Variants in SHC3 observed in about 807,000 individuals in gnomAD.
SHC3 encodes SHC adaptor protein 3.
SHC3 carries 15 observed loss-of-function variants against 60.4 expected under a neutral mutation model. The observed-to-expected ratio is 0.25, with a 90% CI of 0.17 to 0.38. The LOEUF (loss-of-function observed/expected upper bound fraction) is 0.38. Among genes scored for constraint, SHC3 ranks in the 10% least tolerant of loss-of-function variants. The pLI, the probability that SHC3 is intolerant of heterozygous loss-of-function variation, is 1.00. For missense variants in SHC3, 677 were observed against 786.1 expected, an observed-to-expected ratio of 0.86 and a Z score of 1.66; for synonymous variants, 294 against 325.9, an observed-to-expected ratio of 0.90 and a Z score of 1.05.
intron 1 of SHC3, among the ~76,000 whole-genome samples, chr9:89,173,701 A>T (rs946772313): frequency 6.6e-6 from 1 of 151,650 alleles, no homozygotes. Flanking sequence ...CATGGTGTGT[A>T]TGTGCATATG....
At chr9:89,166,530 G>C (rs1188343898) in intron 1 of SHC3, among the ~76,000 whole-genome samples, 1 of 152,218 alleles carries the variant, frequency 6.6e-6, no homozygotes, top group Non-Finnish European at 1.5e-5. Context: ...GAGACTGGGA[G>C]TCCTCCAGGG....
intron 11 of SHC3, among the ~76,000 whole-genome samples, chr9:89,020,178 G>A (rs1412153423): frequency 6.6e-6 from 1 of 152,102 alleles, no homozygotes; most frequent in Non-Finnish European, 1.5e-5. Flanking sequence ...TGTGTGGCCT[G>A]TGGTCAGCAG....
At chr9:89,052,589 G>A (rs1824879235) in intron 6 of SHC3, among the ~76,000 whole-genome samples, 1 of 152,226 alleles carries the variant, frequency 6.6e-6, no homozygotes, top group Non-Finnish European at 1.5e-5. Flanking sequence ...ACTGAAACCA[G>A]CATCTGTTGA....
intron 11 of SHC3, among the ~76,000 whole-genome samples, chr9:89,031,682 T>C (rs1824495107): frequency 6.6e-6 from 1 of 152,232 alleles, no homozygotes; most frequent in Non-Finnish European, 1.5e-5. Context: ...CTATTATGAA[T>C]AATGCTACTA....
chr9:89,154,205 C>CT (rs113595933), intron 1 of SHC3, among the ~76,000 whole-genome samples: 8,893 of 145,562 alleles, frequency 0.061, 664 homozygotes, highest in African/African-American at 0.18. Context: ...TGTGATTTTT[C>CT]TTTTTTTTTT....
At chr9:89,028,652 A>C (rs1245640394) in intron 11 of SHC3, among the ~76,000 whole-genome samples, 1 of 146,682 alleles carries the variant, frequency 6.8e-6, no homozygotes, top group Non-Finnish European at 1.5e-5. Flanking sequence ...TCTATATAGA[A>C]TATATATAGA....
intron 6 of SHC3, among the ~76,000 whole-genome samples, chr9:89,055,897 G>A (rs1824941007): frequency 6.6e-6 from 1 of 152,166 alleles, no homozygotes; most frequent in Non-Finnish European, 1.5e-5. Flanking sequence ...GTGCATTCCT[G>A]TATTAATATT....
At chr9:89,067,599 C>T (rs1245057152) in intron 5 of SHC3, among the ~76,000 whole-genome samples, 1 of 152,120 alleles carries the variant, frequency 6.6e-6, no homozygotes, top group Non-Finnish European at 1.5e-5. Flanking sequence ...TATACTTGTA[C>T]ATGATGTACA....
chr9:89,156,369 G>C (rs1417027632), intron 1 of SHC3, among the ~76,000 whole-genome samples: 1 of 152,054 alleles, frequency 6.6e-6, no homozygotes, highest in Non-Finnish European at 1.5e-5. Flanking sequence ...AATAACTTCA[G>C]GGAAGACCCT....
intron 5 of SHC3, among the ~76,000 whole-genome samples, chr9:89,070,678 T>A (rs1390692894): frequency 6.6e-6 from 1 of 152,190 alleles, no homozygotes; most frequent in Non-Finnish European, 1.5e-5. Flanking sequence ...TCTCGAGTCT[T>A]CTTCTTACTC....
chr9:89,115,583 T>C (rs564643600), intron 1 of SHC3, among the ~76,000 whole-genome samples: 28 of 152,042 alleles, frequency 1.8e-4, no homozygotes, highest in Non-Finnish European at 2.9e-4. Context: ...GCAGCACCAA[T>C]GCATAATTAT....
At chr9:89,133,642 T>A (rs1287437470) in intron 1 of SHC3, among the ~76,000 whole-genome samples, 1 of 152,160 alleles carries the variant, frequency 6.6e-6, no homozygotes. Flanking sequence ...ACCATCATTC[T>A]GAGCAAACTA....
chr9:89,045,153 T>G (rs1537143), intron 9 of SHC3, among the ~76,000 whole-genome samples: 7,971 of 151,966 alleles, frequency 0.052, 278 homozygotes, highest in Middle Eastern at 0.085. Context: ...GCATGGAAGC[T>G]CTCCCAGCAT....
chr9:89,024,529 C>A (rs1442662117), intron 11 of SHC3, among the ~76,000 whole-genome samples: 1 of 152,206 alleles, frequency 6.6e-6, no homozygotes, highest in African/African-American at 2.4e-5. Flanking sequence ...CACAACTTGG[C>A]CTGCCACCTG....
intron 1 of SHC3, among the ~76,000 whole-genome samples, chr9:89,134,770 T>A (rs1353801859): frequency 6.6e-6 from 1 of 152,094 alleles, no homozygotes; most frequent in Non-Finnish European, 1.5e-5. Context: ...AACATTAGAA[T>A]AGAGGAAAAA....
chr9:89,138,015 T>C (rs1444468367), intron 1 of SHC3, among the ~76,000 whole-genome samples: 1 of 151,994 alleles, frequency 6.6e-6, no homozygotes, highest in Non-Finnish European at 1.5e-5. Context: ...CAAACCAGAG[T>C]TGGGAAAGAT....
intron 1 of SHC3, among the ~76,000 whole-genome samples, chr9:89,146,553 T>C (rs1334500410): frequency 6.6e-6 from 1 of 152,004 alleles, no homozygotes. Context: ...AATATAGGAA[T>C]AGACTGGAAG....
chr9:89,027,586 G>A (rs1030245897), intron 11 of SHC3, among the ~76,000 whole-genome samples: 2 of 49,036 alleles, frequency 4.1e-5, no homozygotes. Context: ...AAAGTGCTGG[G>A]ATTACAGGCA....
chr9:89,095,739 C>T (rs1412239729), intron 2 of SHC3, among the ~76,000 whole-genome samples: 1 of 152,150 alleles, frequency 6.6e-6, no homozygotes, highest in Non-Finnish European at 1.5e-5. Context: ...CTGACACCCC[C>T]ACCTCCAGGG....
Sources: allele counts gnomAD v4.1 joint callset (sites outside exome capture counted in the v4.1 genomes callset), GRCh38; gene constraint gnomAD v4.1.1; transcripts MANE v1.5; gene names NCBI Gene and HGNC (gene_info 2026-07-23, HGNC 2026-07-21).